Variants in PPHLN1 observed in about 807,000 individuals in gnomAD.
PPHLN1 encodes periphilin-1.
PPHLN1 carries 29 observed loss-of-function variants against 51.3 expected under a neutral mutation model. The observed-to-expected ratio is 0.57, with a 90% CI of 0.42 to 0.77. The LOEUF is 0.77. Among genes scored for constraint, PPHLN1 ranks in the 30% least tolerant of loss-of-function variants. The pLI is 0.00. For synonymous variants in PPHLN1, 147 were observed against 147.8 expected (o/e 0.99, Z 0.04); for missense variants, 436 against 438.4 (o/e 0.99, Z 0.05).
intron 4 of PPHLN1, among the ~76,000 whole-genome samples, chr12:42,356,975 A>G (rs1311631744): frequency 6.6e-6 from 1 of 152,250 alleles, no homozygotes; most frequent in Non-Finnish European, 1.5e-5. Context: ...AGCAAGGTCC[A>G]ATGTAATAAG....
intron 4 of PPHLN1, among the ~76,000 whole-genome samples, chr12:42,374,071 A>G (rs533629933): frequency 2.0e-5 from 3 of 152,208 alleles, no homozygotes; most frequent in Non-Finnish European, 2.9e-5. Flanking sequence ...ACAATGCCAC[A>G]TTGTCCTGGG....
chr12:42,442,339 A>T (rs1174934470), downstream of PPHLN1, among the ~76,000 whole-genome samples: 3 of 152,232 alleles, frequency 2.0e-5, no homozygotes, highest in East Asian at 1.9e-4. Flanking sequence ...GAGGGCGAAG[A>T]GTAGGTAACA....
At chr12:42,353,088 C>CAA (rs79651957) in intron 3 of PPHLN1, among the ~76,000 whole-genome samples, 20 of 140,686 alleles carry the variant, frequency 1.4e-4, no homozygotes, top group East Asian at 6.1e-4. Flanking sequence ...GACTTTGTCT[C>CAA]AAAAAAAAAA....
rs76678934 is a variant in PPHLN1, at chr12:42,385,552, A to G, written c.568+556A>G. Among the ~76,000 whole-genome samples the G allele has an allele frequency of 7.2e-3, 1,097 of 152,312 alleles. 42 individuals are homozygous for G. In the East Asian group the frequency reaches 0.091, roughly 13 times the overall value. ...TTGTAAAGGAAACACTAAGCAAAAG[A>G]TCAACAGCTGCTTGTGACAGGTTTT... On this transcript the variant is annotated intron_variant, in intron 6 of 9. Coordinates refer to ENST00000358314, the MANE Select transcript of PPHLN1 (RefSeq NM_201439.2).
At chr12:42,432,063 C>T (rs2082083882) in intron 9 of PPHLN1, 16 of 1,568,560 alleles carry the variant, frequency 1.0e-5, no homozygotes, top group South Asian at 5.5e-5. Context: ...TTTGCCACCA[C>T]GTGGTCCACC....
chr12:42,353,472 A>G (rs73270269), intron 3 of PPHLN1, among the ~76,000 whole-genome samples: 5,145 of 152,298 alleles, frequency 0.034, 294 homozygotes, highest in African/African-American at 0.12. Flanking sequence ...CTACTGCATC[A>G]TAGTGACCCC....
At chr12:42,366,719 C>CT (rs2075310951) in intron 4 of PPHLN1, among the ~76,000 whole-genome samples, 1 of 152,026 alleles carries the variant, frequency 6.6e-6, no homozygotes, top group Admixed American at 6.6e-5. Flanking sequence ...GGTTTTAGAA[C>CT]TTTCCTGGAG....
intron 2 of PPHLN1, among the ~76,000 whole-genome samples, chr12:42,338,633 A>G (rs1457312879): frequency 6.6e-6 from 1 of 152,216 alleles, no homozygotes; most frequent in East Asian, 1.9e-4. Context: ...GTGTGTGACA[A>G]TGAGAATAGA....
intron 9 of PPHLN1, among the ~76,000 whole-genome samples, chr12:42,428,837 T>A (rs2081760374): frequency 6.7e-6 from 1 of 150,336 alleles, no homozygotes; most frequent in African/African-American, 2.5e-5. Flanking sequence ...TTTTTTTTTT[T>A]AACTTAAGGG....
In PPHLN1 at chr12:42,384,945, G is replaced by C; in HGVS notation, c.517G>C (p.Val173Leu). The change falls in exon 6 of 10, where the codon GTG becomes CTG. Residue 173 changes from valine to leucine, a missense_variant. Physicochemically the swap from Val to Leu is conservative, Grantham distance 32. Coordinates refer to ENST00000358314, the MANE Select transcript of PPHLN1 (RefSeq NM_201439.2). ...SFHQSQHRKSVRPGASYKRQN... is the reference protein window; with the variant it reads ...SFHQSQHRKSLRPGASYKRQN... Reference sequence around the variant, plus strand: ...CCCTGCCCACCTTTCCATAGAGTCCGTGCGTCCTGGTGCCTCCTACAAACG... The same window carrying C: ...CCCTGCCCACCTTTCCATAGAGTCCCTGCGTCCTGGTGCCTCCTACAAACG... The C allele has an allele frequency of 2.5e-6, 4 of 1,609,696 alleles. No individual in the cohort carries two copies. The highest frequency in any genetic ancestry group is 1.1e-5 in the South Asian group (1 of 91,030).
At chr12:42,418,651 T>C (rs1341408438) in intron 9 of PPHLN1, among the ~76,000 whole-genome samples, 2 of 152,188 alleles carry the variant, frequency 1.3e-5, no homozygotes, top group African/African-American at 2.4e-5. Flanking sequence ...ATTCTCTCTC[T>C]GGCCTCTGCT....
intron 8 of PPHLN1, 152 bp downstream of exon 8, chr12:42,393,841 A>C: frequency 1.3e-6 from 1 of 757,710 alleles, no homozygotes; most frequent in Non-Finnish European, 2.0e-6. Context: ...GATAGTCAGA[A>C]TATGAATGAC....
chr12:42,431,548 T>TG (rs1388026382), intron 9 of PPHLN1: 1 of 580,308 alleles, frequency 1.7e-6, no homozygotes, highest in Admixed American at 3.0e-5. Context: ...GAATTCCAAA[T>TG]GGTAGAACTG....
At chr12:42,344,471 A>T (rs970269928) in intron 2 of PPHLN1, among the ~76,000 whole-genome samples, 29 of 152,200 alleles carry the variant, frequency 1.9e-4, no homozygotes, top group African/African-American at 6.8e-4. Flanking sequence ...TAAAACCATG[A>T]TATCACACTT....
chr12:42,343,855 C>T, intron 2 of PPHLN1: 1 of 438,098 alleles, frequency 2.3e-6, no homozygotes, highest in Admixed American at 2.6e-5. Context: ...ACACTGTCAC[C>T]AAAAGACGTT....
At chr12:42,327,081 ACCATG>A (rs1355952622) in intron 1 of PPHLN1, among the ~76,000 whole-genome samples, 6 of 152,138 alleles carry the variant, frequency 3.9e-5, no homozygotes, top group African/African-American at 1.4e-4. Flanking sequence ...AGCCAAACTT[ACCATG>A]CTTTACATCT....
chr12:42,327,353 C>T (rs1383944545), intron 1 of PPHLN1, among the ~76,000 whole-genome samples: 1 of 152,188 alleles, frequency 6.6e-6, no homozygotes, highest in Non-Finnish European at 1.5e-5. Flanking sequence ...CGTAGATTTT[C>T]CTGCCAGCCA....
chr12:42,343,473 A>G (rs2071789535), intron 2 of PPHLN1, among the ~76,000 whole-genome samples: 1 of 152,228 alleles, frequency 6.6e-6, no homozygotes, highest in Non-Finnish European at 1.5e-5. Context: ...TCATGTATTT[A>G]TTCATGCAAT....
intron 9 of PPHLN1, among the ~76,000 whole-genome samples, chr12:42,424,843 T>G (rs1164755964): frequency 6.6e-6 from 1 of 152,126 alleles, no homozygotes; most frequent in Non-Finnish European, 1.5e-5. Context: ...ATGAAAGTTT[T>G]TCTAAGCATA....
Sources: gnomAD v4.1 joint callset for allele counts (sites outside exome capture counted in the v4.1 genomes callset) on GRCh38, gnomAD v4.1.1 for gene constraint, MANE v1.5 for transcripts, NCBI Gene and HGNC (gene_info 2026-07-23, HGNC 2026-07-21) for gene names.